PDZRN4: variants seen among roughly 807,000 people sequenced by gnomAD.
PDZRN4 encodes the protein PDZ domain containing ring finger 4.
A neutral mutation model predicts 99.0 loss-of-function variants in PDZRN4; 70 were observed. That is an observed-to-expected ratio of 0.71 (90% CI 0.58 to 0.86). The LOEUF is 0.86. Among genes scored for constraint, PDZRN4 ranks in the 40% least tolerant of loss-of-function variants. PDZRN4 has a pLI of 0.00. For synonymous variants in PDZRN4, 551 were observed against 501.6 expected (o/e 1.10, Z -1.32); for missense variants, 1,474 against 1,331.2 (o/e 1.11, Z -1.67).
intron 3 of PDZRN4, among the ~76,000 whole-genome samples, chr12:41,221,403 C>A (rs921705706): frequency 2.6e-5 from 4 of 151,998 alleles, no homozygotes; most frequent in African/African-American, 9.7e-5. Flanking sequence ...AAGGCTGAAG[C>A]AATGTTAATC....
intron 3 of PDZRN4, among the ~76,000 whole-genome samples, chr12:41,208,385 A>AT (rs753692474): frequency 1.3e-5 from 2 of 151,916 alleles, no homozygotes; most frequent in Non-Finnish European, 2.9e-5. Context: ...CACTAAAGAA[A>AT]TCTTCATCTT....
chr12:41,220,536 C>T (rs1950948243), intron 3 of PDZRN4, among the ~76,000 whole-genome samples: 1 of 152,072 alleles, frequency 6.6e-6, no homozygotes, highest in African/African-American at 2.4e-5. Context: ...GAAGGACCTG[C>T]CATCAAGTAG....
At chr12:41,282,053 C>T (rs575018509) in intron 3 of PDZRN4, among the ~76,000 whole-genome samples, 1 of 152,052 alleles carries the variant, frequency 6.6e-6, no homozygotes, top group African/African-American at 2.4e-5. Flanking sequence ...GTGCTAAATG[C>T]CCCAATTAAG....
chr12:41,459,631 C>T (rs889622339), intron 3 of PDZRN4, among the ~76,000 whole-genome samples: 2 of 152,152 alleles, frequency 1.3e-5, no homozygotes, highest in African/African-American at 4.8e-5. Context: ...TTTTAATAGC[C>T]TTTATAAACA....
At chr12:41,384,305 A>G (rs916607692) in intron 3 of PDZRN4, among the ~76,000 whole-genome samples, 2 of 152,196 alleles carry the variant, frequency 1.3e-5, no homozygotes, top group Admixed American at 6.5e-5. Context: ...ACAGAAAAAC[A>G]TGGTAGACAT....
intron 3 of PDZRN4, among the ~76,000 whole-genome samples, chr12:41,288,767 C>T (rs1404452766): frequency 6.6e-6 from 1 of 151,994 alleles, no homozygotes; most frequent in Admixed American, 6.6e-5. Context: ...TGGTAGCAAC[C>T]CAGCCTCATT....
At chr12:41,507,698 C>T (rs147690356) in intron 4 of PDZRN4, among the ~76,000 whole-genome samples, 1 of 152,224 alleles carries the variant, frequency 6.6e-6, no homozygotes, top group East Asian at 1.9e-4. Context: ...TCAAAAGTCT[C>T]CCTAGGCAAT....
At chr12:41,412,904 A>T (rs1952410964) in intron 3 of PDZRN4, 3 of 152,158 alleles carry the variant, frequency 2.0e-5, no homozygotes, top group Admixed American at 2.0e-4. Context: ...AGCCTTGACA[A>T]CATGGTGAAA....
intron 3 of PDZRN4, among the ~76,000 whole-genome samples, chr12:41,278,590 G>C (rs1322092885): frequency 1.3e-5 from 2 of 152,278 alleles, no homozygotes; most frequent in Non-Finnish European, 2.9e-5. Context: ...AAAAGTGAAA[G>C]CAGTCCCATA....
At chr12:41,507,299 C>T (rs896109840) in intron 4 of PDZRN4, among the ~76,000 whole-genome samples, 4 of 152,106 alleles carry the variant, frequency 2.6e-5, no homozygotes, top group Non-Finnish European at 5.9e-5. Context: ...GGAATACTTC[C>T]TCCTGATTTT....
At chr12:41,464,248 T>A (rs370372968) in intron 3 of PDZRN4, among the ~76,000 whole-genome samples, 13 of 151,770 alleles carry the variant, frequency 8.6e-5, no homozygotes, top group African/African-American at 2.9e-4. Context: ...TCCAGCTGAA[T>A]GCCAAGAGAA....
chr12:41,533,756 T>C (rs1453561441), intron 5 of PDZRN4, among the ~76,000 whole-genome samples: 1 of 152,208 alleles, frequency 6.6e-6, no homozygotes, highest in Non-Finnish European at 1.5e-5. Flanking sequence ...ATTTCCATTT[T>C]GTCATTTTCT....
At chr12:41,238,247 T>C (rs932934532) in intron 3 of PDZRN4, among the ~76,000 whole-genome samples, 2 of 152,136 alleles carry the variant, frequency 1.3e-5, no homozygotes, top group Non-Finnish European at 2.9e-5. Flanking sequence ...AAATGATAGT[T>C]CATTCATGAT....
chr12:41,311,522 A>C (rs575888005), intron 3 of PDZRN4, among the ~76,000 whole-genome samples: 1 of 152,290 alleles, frequency 6.6e-6, no homozygotes, highest in African/African-American at 2.4e-5. Context: ...GAGCTACTGC[A>C]TTCAATAATG....
chr12:41,466,450 T>C (rs1468592749), intron 3 of PDZRN4, among the ~76,000 whole-genome samples: 3 of 152,106 alleles, frequency 2.0e-5, no homozygotes, highest in South Asian at 2.1e-4. Flanking sequence ...GAGGAGGGTA[T>C]GTTGAACTCA....
intron 3 of PDZRN4, among the ~76,000 whole-genome samples, chr12:41,504,144 CTGT>C (rs1938163433): frequency 6.6e-6 from 1 of 152,128 alleles, no homozygotes; most frequent in Non-Finnish European, 1.5e-5. Flanking sequence ...TGGCATGCGC[CTGT>C]TACCCCAGCT....
At position 41,534,220 on chromosome 12, in the gene PDZRN4, G is replaced by A. The variant is rs112134791; in HGVS notation, c.1204-18436G>A. ...TTTGGTTAGATTTTCTTTGCTTTTC[G>A]TTCCTTTTTAAACCACAGACCTTCC... On this transcript the variant is annotated intron_variant, in intron 5 of 9. Transcript: ENST00000402685. 8.1e-3 allele frequency among the ~76,000 whole-genome samples: 1,234 copies of A among 151,722 alleles called. 8 individuals carry two copies. Among genetic ancestry groups the A allele is most frequent in the Non-Finnish European group, 0.012 (848 of 67,904 alleles).
chr12:41,406,182 A>G (rs1592047165), intron 3 of PDZRN4, among the ~76,000 whole-genome samples: 2 of 152,294 alleles, frequency 1.3e-5, no homozygotes, highest in East Asian at 3.9e-4. Flanking sequence ...GATTCTGCCT[A>G]AAGACTAAAA....
At chr12:41,517,131 T>A (rs1938414344) in intron 5 of PDZRN4, among the ~76,000 whole-genome samples, 1 of 152,088 alleles carries the variant, frequency 6.6e-6, no homozygotes, top group Non-Finnish European at 1.5e-5. Context: ...AAGAAGCAAA[T>A]CTGTCTTTTG....
Sources: gnomAD v4.1 joint callset for allele counts (sites outside exome capture counted in the v4.1 genomes callset) on GRCh38, gnomAD v4.1.1 for gene constraint, MANE v1.5 for transcripts, NCBI Gene and HGNC (gene_info 2026-07-23, HGNC 2026-07-21) for gene names.